PIGL: variants seen among roughly 807,000 people sequenced by gnomAD.
The protein encoded by PIGL is N-acetylglucosaminyl-phosphatidylinositol de-N-acetylase.
Under a neutral mutation model 31.1 loss-of-function variants are expected in PIGL, and 22 were observed. The ratio of observed to expected loss-of-function variants is 0.71; its 90% confidence interval spans 0.51 to 1.01. PIGL has a LOEUF of 1.01. Ranked by LOEUF, PIGL falls within the 50% of genes least tolerant of loss-of-function variation. PIGL has a pLI of 0.00. For synonymous variants in PIGL, 131 were observed against 117.4 expected, an observed-to-expected ratio of 1.12 and a Z score of -0.75; for missense variants, 302 against 315.9, an observed-to-expected ratio of 0.96 and a Z score of 0.33.
intron 2 of PIGL, among the ~76,000 whole-genome samples, chr17:16,250,777 A>G (rs1327586120): frequency 1.3e-5 from 2 of 152,224 alleles, no homozygotes; most frequent in Admixed American, 6.5e-5. Context: ...TTACAGAGAC[A>G]CAGTGGGAGG....
chr17:16,318,119 A>G (rs920997511), intron 6 of PIGL, among the ~76,000 whole-genome samples: 2 of 152,206 alleles, frequency 1.3e-5, no homozygotes, highest in African/African-American at 4.8e-5. Context: ...TAAAAATAAT[A>G]TATGCTTTTT....
At chr17:16,230,297 C>T (rs185093379) in intron 1 of PIGL, among the ~76,000 whole-genome samples, 5 of 152,206 alleles carry the variant, frequency 3.3e-5, no homozygotes, top group Admixed American at 2.0e-4. Flanking sequence ...CCTTGCCAAC[C>T]GAGGGTTGGT....
chr17:16,317,080 G>A, intron 5 of PIGL: 1 of 1,073,106 alleles, frequency 9.3e-7, no homozygotes, highest in Non-Finnish European at 1.1e-6. Context: ...ATCTGCCTGA[G>A]TTAGGAACTC....
At chr17:16,311,647 G>C (rs1445620243) in intron 3 of PIGL, among the ~76,000 whole-genome samples, 1 of 147,508 alleles carries the variant, frequency 6.8e-6, no homozygotes, top group East Asian at 2.0e-4. Context: ...TGAGATTAGG[G>C]AGTGGTGATG....
At chr17:16,323,279 G>T (rs1044715074) in intron 6 of PIGL, among the ~76,000 whole-genome samples, 2 of 151,548 alleles carry the variant, frequency 1.3e-5, no homozygotes, top group Admixed American at 6.6e-5. Flanking sequence ...TGGTGCCCAT[G>T]CTGGAGTGCA....
chr17:16,308,575 G>A (rs1360111533), intron 3 of PIGL, among the ~76,000 whole-genome samples: 9 of 152,048 alleles, frequency 5.9e-5, no homozygotes, highest in South Asian at 2.1e-4. Context: ...TCAGTGCAGC[G>A]GCACTATTGC....
At chr17:16,265,504 A>T (rs1048851378) in intron 2 of PIGL, among the ~76,000 whole-genome samples, 2 of 152,104 alleles carry the variant, frequency 1.3e-5, no homozygotes, top group African/African-American at 4.8e-5. Context: ...GCACTTTGGG[A>T]GGCTGAGGTG....
intron 1 of PIGL, among the ~76,000 whole-genome samples, chr17:16,229,387 T>C (rs2142660363): frequency 6.6e-6 from 1 of 151,918 alleles, no homozygotes; most frequent in East Asian, 1.9e-4. Context: ...ATTCATCTAA[T>C]GATAGGCACT....
rs567050774 is a variant in PIGL at position 16,301,054 on chromosome 17, T to G, written c.426+1076T>G. On this transcript the variant is annotated intron_variant, in intron 3 of 6. Transcript: ENST00000225609. ...TGAGGTAATATCTAAAATTCCACAT[T>G]TAAAGCCTCACCATTTGGCTTAAGT... Among the ~76,000 whole-genome samples the G allele has an allele frequency of 1.6e-4, 25 of 152,332 alleles. No individual in the cohort carries two copies. The South Asian group carries it at 5.2e-3, about 32-fold the overall frequency.
chr17:16,315,790 A>C (rs1017627346), intron 4 of PIGL, among the ~76,000 whole-genome samples: 1 of 127,428 alleles, frequency 7.8e-6, no homozygotes, highest in Admixed American at 1.1e-4. Context: ...ATCTCAGCTC[A>C]CTGCAGCCTC....
intron 2 of PIGL, among the ~76,000 whole-genome samples, chr17:16,235,435 C>CT (rs903174807): frequency 0.02 from 1,824 of 90,928 alleles, 346 homozygotes; most frequent in African/African-American, 0.041. Context: ...TGTCTACGTT[C>CT]TTTTTTTTTT....
rs776742163 is a variant in PIGL, at chr17:16,217,356, C to T, written c.130C>T (p.Leu44=). The change falls in exon 1 of 7, where the codon CTG becomes TTG. Residue 44 remains leucine (L), a synonymous_variant. Transcript: ENST00000225609. ...GGRLGAESRT[L]LVIAHPDDEA... is the part of the protein sequence containing the mutation. ...ACGGCTGGGAGCCGAAAGCCGGACC[C>T]TGCTGGTCATAGCGCACCCTGACGA... The T allele has an allele frequency of 1.2e-6, 2 of 1,614,076 alleles. No homozygotes were observed. The highest frequency in any genetic ancestry group is 1.7e-6 in the Non-Finnish European group (2 of 1,180,044).
intron 2 of PIGL, among the ~76,000 whole-genome samples, chr17:16,244,941 G>T (rs577700509): frequency 5.9e-4 from 90 of 152,240 alleles, no homozygotes; most frequent in African/African-American, 2.1e-3. Context: ...GCCTTCCAAA[G>T]TGCTGGGATT....
intron 2 of PIGL, among the ~76,000 whole-genome samples, chr17:16,277,297 A>G (rs2092900024): frequency 6.6e-6 from 1 of 152,250 alleles, no homozygotes; most frequent in African/African-American, 2.4e-5. Flanking sequence ...AAACATTCTT[A>G]TTGCATTTAT....
rs893085534 is a variant in PIGL, at chr17:16,234,051, G to A, written c.316G>A (p.Val106Ile). The A allele has an allele frequency of 6.3e-7, 1 of 1,583,936 alleles. No homozygotes were observed. The highest frequency in any genetic ancestry group is 8.7e-7 in the Non-Finnish European group (1 of 1,153,030). Residue 106 changes from valine (V) to isoleucine (I), a missense_variant, in exon 2 of 7, where the codon GTA becomes ATA. Transcript: ENST00000225609. ...CDVLGIPLSSVMIIDNRDFPD... is the reference protein window; with the variant it reads ...CDVLGIPLSSIMIIDNRDFPD... ...TGTTTTGGGGATTCCACTCTCCAGT[G>A]TAATGATTATTGACAACAGGTAATA...
rs780045322 is a variant in PIGL at position 16,303,823 on chromosome 17, T to C, written c.426+3845T>C. Among the ~76,000 whole-genome samples the C allele has an allele frequency of 3.1e-4, 47 of 152,102 alleles. 1 individual carries two copies. Among genetic ancestry groups the C allele is most frequent in the Non-Finnish European group, 6.0e-4 (41 of 68,012 alleles). ...TCTGCCTCCCGGGTTCACGCCATTCTCCCGCCTCAGCCTCCTGAGTAGCTG... is the reference window on the plus strand; with the variant it reads ...TCTGCCTCCCGGGTTCACGCCATTCCCCCGCCTCAGCCTCCTGAGTAGCTG... On this transcript the variant is annotated intron_variant, in intron 3 of 6. Transcript: ENST00000225609.
At position 16,233,912 on chromosome 17, in the gene PIGL, T is replaced by A; in HGVS notation, c.236-59T>A. 6 of 828,598 alleles carry A rather than the reference T, an allele frequency of 7.2e-6. No homozygotes were observed. In the South Asian group the frequency reaches 8.8e-5, roughly 12 times the overall value. The allele number at this position is 828,598 out of a possible 1,614,324, so 51.3% of individuals were successfully genotyped here. On this transcript the variant is annotated intron_variant, in intron 1 of 6. Coordinates refer to ENST00000225609, the MANE Select transcript of PIGL (RefSeq NM_004278.4). ...CAAAAACAGGATAAGAATGAGTGAA[T>A]AGATAGGTCTCCACTGTTAAAAAAA...
Position 16,291,368 on chromosome 17 carries a change from G to A in PIGL, c.336-8520G>A, listed in dbSNP as rs1203572973. The stretch of plus-strand genomic sequence containing the variant: ...TTAAAAATACAAAAATTAGTCGAGC[G>A]TGGTGGCGGGCACCTGTAGTCCCAG... On this transcript the variant is annotated intron_variant, in intron 2 of 6. Coordinates refer to ENST00000225609, the MANE Select transcript of PIGL (RefSeq NM_004278.4). Among the ~76,000 whole-genome samples the A allele has an allele frequency of 4.0e-5, 6 of 150,192 alleles. No individual in the cohort carries two copies. The East Asian group carries it at 9.8e-4, about 25-fold the overall frequency.
intron 2 of PIGL, among the ~76,000 whole-genome samples, chr17:16,288,521 TTTTTC>T (rs1350828351): frequency 6.7e-6 from 1 of 148,672 alleles, no homozygotes; most frequent in Admixed American, 6.8e-5. Flanking sequence ...TATTATTCTT[TTTTTC>T]TTTTCTTTTT....
Sources: gnomAD v4.1 joint callset for allele counts (sites outside exome capture counted in the v4.1 genomes callset) on GRCh38, gnomAD v4.1.1 for gene constraint, MANE v1.5 for transcripts, NCBI Gene and HGNC (gene_info 2026-07-23, HGNC 2026-07-21) for gene names.